QTMAN: variants seen among roughly 807,000 people sequenced by gnomAD.
QTMAN encodes queuosine-tRNA mannosyltransferase.
the QTMAN span, among the ~76,000 whole-genome samples, chr2:144,217,208 T>C: frequency 6.6e-6 from 1 of 152,052 alleles, no homozygotes; most frequent in African/African-American, 2.4e-5. Flanking sequence ...GCTGATACCA[T>C]TGTTGAACCA....
At chr2:144,174,150 G>T in the QTMAN span, among the ~76,000 whole-genome samples, 2 of 152,164 alleles carry the variant, frequency 1.3e-5, no homozygotes, top group African/African-American at 2.4e-5. Flanking sequence ...GTGTTAATCT[G>T]AATAATCAGG....
the QTMAN span, among the ~76,000 whole-genome samples, chr2:144,129,619 T>G: frequency 1.7e-4 from 26 of 152,076 alleles, no homozygotes; most frequent in Non-Finnish European, 3.4e-4. Flanking sequence ...TTCCCAGCAT[T>G]CTAAAATACA....
chr2:144,095,324 T>A, the QTMAN span, among the ~76,000 whole-genome samples: 1 of 152,334 alleles, frequency 6.6e-6, no homozygotes, highest in South Asian at 2.1e-4. Context: ...TGGCACATAG[T>A]AGGGACTCTG....
chr2:143,980,066 T>C, the QTMAN span, among the ~76,000 whole-genome samples: 5 of 152,192 alleles, frequency 3.3e-5, no homozygotes, highest in African/African-American at 9.7e-5. Flanking sequence ...GTGTGCAGGA[T>C]GTACAGGTTT....
chr2:144,177,609 G>A, the QTMAN span, among the ~76,000 whole-genome samples: 1 of 152,042 alleles, frequency 6.6e-6, no homozygotes, highest in South Asian at 2.1e-4. Flanking sequence ...AACAAACTGG[G>A]ATCTAAGCAG....
the QTMAN span, among the ~76,000 whole-genome samples, chr2:144,068,258 A>T: frequency 3.9e-5 from 6 of 152,314 alleles, no homozygotes; most frequent in East Asian, 1.2e-3. Flanking sequence ...CTAATTTTGC[A>T]ATCAGCTAAA....
the QTMAN span, among the ~76,000 whole-genome samples, chr2:143,997,842 A>T: frequency 6.6e-6 from 1 of 152,054 alleles, no homozygotes; most frequent in Non-Finnish European, 1.5e-5. Flanking sequence ...TATTTTACCC[A>T]TGCTACCTTA....
At chr2:143,984,666 C>T in the QTMAN span, among the ~76,000 whole-genome samples, 3 of 152,156 alleles carry the variant, frequency 2.0e-5, no homozygotes, top group Non-Finnish European at 2.9e-5. Flanking sequence ...TATCCTGTGC[C>T]CCTAAGAACC....
At chr2:144,032,142 G>A in the QTMAN span, among the ~76,000 whole-genome samples, 4 of 152,258 alleles carry the variant, frequency 2.6e-5, 1 homozygote, top group South Asian at 8.3e-4. Context: ...GCACTGTAAT[G>A]ATTAAAAGTG....
chr2:144,260,844 A>G, the QTMAN span, among the ~76,000 whole-genome samples: 2 of 152,058 alleles, frequency 1.3e-5, no homozygotes, highest in African/African-American at 4.8e-5. Context: ...TACTTAGTGA[A>G]TGCTATAAAT....
the QTMAN span, among the ~76,000 whole-genome samples, chr2:144,235,066 T>C: frequency 6.6e-6 from 1 of 152,208 alleles, no homozygotes. Context: ...TATATTTCTT[T>C]TTTCTCTAGG....
At chr2:144,045,321 C>T in the QTMAN span, among the ~76,000 whole-genome samples, 6 of 152,206 alleles carry the variant, frequency 3.9e-5, no homozygotes, top group Non-Finnish European at 5.9e-5. Context: ...AAATTACCTA[C>T]ATTTAACCTT....
At chr2:144,075,421 T>C in the QTMAN span, among the ~76,000 whole-genome samples, 1 of 152,240 alleles carries the variant, frequency 6.6e-6, no homozygotes, top group Non-Finnish European at 1.5e-5. Flanking sequence ...GTTTAATTTC[T>C]TTTCAAGGTC....
chr2:144,025,893 T>A, the QTMAN span, among the ~76,000 whole-genome samples: 1 of 152,206 alleles, frequency 6.6e-6, no homozygotes, highest in Non-Finnish European at 1.5e-5. Flanking sequence ...GTAACCGGTC[T>A]ATTGAACAGG....
At chr2:144,100,072 C>T in the QTMAN span, among the ~76,000 whole-genome samples, 1 of 152,146 alleles carries the variant, frequency 6.6e-6, no homozygotes, top group Non-Finnish European at 1.5e-5. Flanking sequence ...ACACCACATG[C>T]AAAAAGGCTT....
the QTMAN span, among the ~76,000 whole-genome samples, chr2:144,029,149 T>C: frequency 2.0e-5 from 3 of 152,216 alleles, no homozygotes; most frequent in African/African-American, 4.8e-5. Context: ...AAACGTTGTA[T>C]GGCTAATGAA....
chr2:144,074,630 C>A, the QTMAN span, among the ~76,000 whole-genome samples: 4 of 152,048 alleles, frequency 2.6e-5, no homozygotes, highest in Admixed American at 2.6e-4. Context: ...GAGATATAAT[C>A]CAGCTCAATG....
the QTMAN span, among the ~76,000 whole-genome samples, chr2:144,038,239 G>A: frequency 6.6e-6 from 1 of 152,072 alleles, no homozygotes; most frequent in Non-Finnish European, 1.5e-5. Flanking sequence ...TTCCTGTGTT[G>A]AGTGTCTTCA....
chr2:144,059,526 G>T, the QTMAN span, among the ~76,000 whole-genome samples: 1 of 152,202 alleles, frequency 6.6e-6, no homozygotes, highest in African/African-American at 2.4e-5. Flanking sequence ...AGAATGCACA[G>T]TTGGGGAAAA....
Sources: gnomAD v4.1 joint callset for allele counts (sites outside exome capture counted in the v4.1 genomes callset) on GRCh38, gnomAD v4.1.1 for gene constraint, MANE v1.5 for transcripts, NCBI Gene and HGNC (gene_info 2026-07-23, HGNC 2026-07-21) for gene names.